The following PCDH9 variants were observed in gnomAD, a reference collection of about 807,000 sequenced individuals.
The protein encoded by PCDH9 is protocadherin 9, also known as protocadherin-9.
PCDH9 carries 24 observed loss-of-function variants against 70.6 expected under a neutral mutation model. The observed-to-expected ratio is 0.34, with a 90% CI of 0.25 to 0.48. The LOEUF (loss-of-function observed/expected upper bound fraction) is 0.48. Among genes scored for constraint, PCDH9 ranks in the 20% least tolerant of loss-of-function variants. PCDH9 has a pLI of 0.99. For missense variants in PCDH9, 1,281 were observed against 1,503.6 expected (o/e 0.85, Z 2.45); for synonymous variants, 562 against 558.5 (o/e 1.01, Z -0.09).
chr13:67,072,915 G>A (rs1466485697), intron 2 of PCDH9, among the ~76,000 whole-genome samples: 1 of 152,080 alleles, frequency 6.6e-6, no homozygotes, highest in Non-Finnish European at 1.5e-5. Context: ...GATTCTCAAA[G>A]GCTAACAAAT....
intron 3 of PCDH9, among the ~76,000 whole-genome samples, chr13:66,883,926 C>T (rs545624111): frequency 7.2e-6 from 1 of 138,126 alleles, no homozygotes; most frequent in Non-Finnish European, 1.5e-5. Context: ...TTTTTGAGTC[C>T]AAGTCTCACT....
intron 3 of PCDH9, among the ~76,000 whole-genome samples, chr13:66,816,451 TC>T (rs983384513): frequency 1.3e-5 from 2 of 151,586 alleles, no homozygotes; most frequent in Non-Finnish European, 2.9e-5. Context: ...TCTCTCCACC[TC>T]CCCCCACACA....
intron 2 of PCDH9, among the ~76,000 whole-genome samples, chr13:66,976,468 A>T (rs1273347664): frequency 6.6e-6 from 1 of 151,996 alleles, no homozygotes; most frequent in Non-Finnish European, 1.5e-5. Flanking sequence ...CAGTACCTGA[A>T]TTTTTTCCAG....
intron 3 of PCDH9, among the ~76,000 whole-genome samples, chr13:66,737,156 ATTGT>A (rs1325484923): frequency 1.3e-5 from 2 of 152,020 alleles, no homozygotes; most frequent in Admixed American, 6.6e-5. Flanking sequence ...TCAAATAATA[ATTGT>A]TTTAGAAAGG....
At chr13:67,025,731 A>G (rs950663497) in intron 2 of PCDH9, among the ~76,000 whole-genome samples, 4 of 152,180 alleles carry the variant, frequency 2.6e-5, no homozygotes, top group Admixed American at 6.6e-5. Flanking sequence ...CTACCTTGAA[A>G]GTAGTGATGA....
At chr13:66,892,242 G>A (rs1446383703) in intron 3 of PCDH9, among the ~76,000 whole-genome samples, 1 of 145,026 alleles carries the variant, frequency 6.9e-6, no homozygotes, top group African/African-American at 2.6e-5. Context: ...ATGTGTGTGT[G>A]TATATATATA....
Position 67,227,220 on chromosome 13 carries a change from G to A in PCDH9, c.1221C>T (p.Val407=), listed in dbSNP as rs1384361215. Residue 407 remains valine (V), a synonymous_variant, in exon 2 of 5, where the codon GTC becomes GTT. Coordinates refer to ENST00000377865, the MANE Select transcript of PCDH9 (RefSeq NM_203487.3). This position sits in a 1 kb window ranked among gnomAD's most constrained non-coding sequence, Gnocchi z 4.6. ...CATATACCGCCTTCAAATGAAATGG[G>A]ACCTCTCTTTCAATAAAACAGATCA... is the stretch of plus-strand genomic sequence containing the variant. The part of the protein sequence containing the change: ...GKVICFIERE[V]PFHLKAVYDN... 2 of 1,613,610 alleles carry A rather than the reference G, an allele frequency of 1.2e-6. No homozygotes were observed. Among genetic ancestry groups the A allele is most frequent in the Non-Finnish European group, 1.7e-6 (2 of 1,179,508 alleles).
chr13:66,339,525 A>C (rs1213781250), intron 4 of PCDH9, among the ~76,000 whole-genome samples: 1 of 152,128 alleles, frequency 6.6e-6, no homozygotes, highest in African/African-American at 2.4e-5. Context: ...GTTTCTTTAC[A>C]TCACAGATAT....
intron 2 of PCDH9, among the ~76,000 whole-genome samples, chr13:67,054,143 T>A (rs1172333300): frequency 2.6e-5 from 4 of 152,082 alleles, no homozygotes; most frequent in Admixed American, 2.0e-4. Flanking sequence ...TTACAAAAAA[T>A]TTTCTGACCA....
intron 4 of PCDH9, among the ~76,000 whole-genome samples, chr13:66,445,976 G>A (rs1344263740): frequency 6.6e-6 from 1 of 151,524 alleles, no homozygotes; most frequent in Non-Finnish European, 1.5e-5. Flanking sequence ...TCATAACTTA[G>A]ATATTACATA....
chr13:67,217,272 G>GAAAAAA (rs34529150), intron 2 of PCDH9: 4 of 148,828 alleles, frequency 2.7e-5, no homozygotes, highest in Non-Finnish European at 4.5e-5. Context: ...GTTTAATGAG[G>GAAAAAA]AAAAAAAAAA....
At chr13:66,764,081 G>C (rs2079671890) in intron 3 of PCDH9, among the ~76,000 whole-genome samples, 1 of 151,964 alleles carries the variant, frequency 6.6e-6, no homozygotes, top group South Asian at 2.1e-4. Context: ...TTTCAGGTGT[G>C]AGCCACCGCG....
intron 2 of PCDH9, among the ~76,000 whole-genome samples, chr13:67,050,849 G>T (rs1439572945): frequency 2.0e-5 from 3 of 152,028 alleles, no homozygotes; most frequent in Non-Finnish European, 2.9e-5. Flanking sequence ...ATTTCATATT[G>T]CTTCTTCTTC....
At chr13:66,694,327 C>G (rs984488668) in intron 3 of PCDH9, among the ~76,000 whole-genome samples, 3 of 152,152 alleles carry the variant, frequency 2.0e-5, no homozygotes, top group Admixed American at 6.5e-5. Flanking sequence ...AATATCAGAA[C>G]ACAACTTTGT....
At chr13:66,472,211 CAAA>C (rs34935198) in intron 4 of PCDH9, among the ~76,000 whole-genome samples, 17 of 112,304 alleles carry the variant, frequency 1.5e-4, no homozygotes, top group Admixed American at 6.7e-4. Context: ...GACTCCATCT[CAAA>C]AAAAAAAAAA....
intron 2 of PCDH9, among the ~76,000 whole-genome samples, chr13:66,992,998 T>G (rs2084035271): frequency 6.6e-6 from 1 of 151,466 alleles, no homozygotes; most frequent in Non-Finnish European, 1.5e-5. Flanking sequence ...GTGAAGGAAA[T>G]GTTTAACATT....
intron 2 of PCDH9, among the ~76,000 whole-genome samples, chr13:67,076,442 G>C (rs1299723171): frequency 6.6e-6 from 1 of 152,104 alleles, no homozygotes; most frequent in African/African-American, 2.4e-5. Flanking sequence ...TCAGTAGAAA[G>C]GGCTACTCAG....
chr13:66,388,422 A>T (rs1956966219), intron 4 of PCDH9, among the ~76,000 whole-genome samples: 1 of 152,138 alleles, frequency 6.6e-6, no homozygotes, highest in South Asian at 2.1e-4. Context: ...TGAAGTATTT[A>T]TGATTTTTAC....
intron 3 of PCDH9, among the ~76,000 whole-genome samples, chr13:66,673,764 A>G (rs983853903): frequency 6.6e-6 from 1 of 152,198 alleles, no homozygotes; most frequent in Non-Finnish European, 1.5e-5. Flanking sequence ...AATTTCAATG[A>G]CTGAAGTCAC....
Sources: allele counts gnomAD v4.1 joint callset (sites outside exome capture counted in the v4.1 genomes callset), GRCh38; gene constraint gnomAD v4.1.1; non-coding constraint Gnocchi (gnomAD v3.1); transcripts MANE v1.5; gene names NCBI Gene and HGNC (gene_info 2026-07-23, HGNC 2026-07-21).